The following MYO7B variants were observed in gnomAD, a reference collection of about 807,000 sequenced individuals.
MYO7B encodes myosin VIIB.
MYO7B carries 212 observed loss-of-function variants against 259.7 expected under a neutral mutation model. The ratio of observed to expected loss-of-function variants is 0.82; its 90% CI spans 0.73 to 0.91. MYO7B has a LOEUF of 0.91. Among genes scored for constraint, MYO7B ranks in the 40% least tolerant of loss-of-function variants. The pLI, the probability that MYO7B is intolerant of heterozygous loss-of-function variation, is 0.00. For missense variants in MYO7B, 2,732 were observed against 2,813.5 expected (o/e 0.97, Z 0.66); for synonymous variants, 1,197 against 1,166.4 (o/e 1.03, Z -0.54).
rs561780781 is a variant in MYO7B at position 127,596,541 on chromosome 2, G to C, written c.2324G>C (p.Arg775Pro). 3 of 1,612,344 alleles carry C rather than the reference G, an allele frequency of 1.9e-6. No homozygotes were observed. Among genetic ancestry groups the C allele is most frequent in the Non-Finnish European group, 1.7e-6 (2 of 1,179,266 alleles). ...GCGCTCAGCATCCAGAAAGTCCTTC[G>C]GGGCTACAGATACAGGTGCCGGCCC... ...RAALSIQKVLRGYRYRKEFLR... is the reference protein window; with the variant it reads ...RAALSIQKVLPGYRYRKEFLR... Residue 775 changes from arginine to proline, a missense_variant, in exon 19 of 48, where the codon CGG (arginine) becomes CCG (proline). Arg to Pro is a moderately radical substitution (Grantham distance 103, BLOSUM62 -2). Transcript: ENST00000409816.
intron 1 of MYO7B, among the ~76,000 whole-genome samples, chr2:127,555,017 C>T (rs1023701945): frequency 1.3e-5 from 2 of 150,642 alleles, no homozygotes; most frequent in Non-Finnish European, 2.9e-5. Context: ...GGCATGATCT[C>T]AGCTCACTGC....
chr2:127,547,299 C>T (rs913093462), intron 1 of MYO7B, among the ~76,000 whole-genome samples: 3 of 152,208 alleles, frequency 2.0e-5, no homozygotes, highest in African/African-American at 7.2e-5. Flanking sequence ...CACTGTAACA[C>T]ATAAAAACAG....
In MYO7B at chr2:127,628,106, C is replaced by A; in HGVS notation, c.4461-266C>A. On this transcript the variant is annotated intron_variant, in intron 33 of 47. Transcript: ENST00000409816. The surrounding 1 kb of genome is among the most constrained non-coding windows in gnomAD (Gnocchi z 4.8). ...GACCTTTGCAGTGTCCCTGCGGTGT[C>A]ACTGCACACCAGCCACCTCATTATC... 1 of 637,000 alleles carries A rather than the reference C, an allele frequency of 1.6e-6. No homozygotes were observed. The allele number at this position is 637,000 out of a possible 1,614,324, so 39.5% of individuals were successfully genotyped here.
intron 1 of MYO7B, among the ~76,000 whole-genome samples, chr2:127,556,817 A>T (rs1693655231): frequency 1.3e-5 from 2 of 152,186 alleles, no homozygotes; most frequent in South Asian, 4.1e-4. Flanking sequence ...CACAGCTCTT[A>T]AGATTCTTTC....
chr2:127,634,536 G>A (rs1209432166), intron 41 of MYO7B, 60 bp from the exon 42 acceptor site: 2 of 1,468,322 alleles, frequency 1.4e-6, no homozygotes, highest in Non-Finnish European at 1.9e-6. Context: ...AACCCAGCAG[G>A]TTCTCAGGAG....
intron 5 of MYO7B, among the ~76,000 whole-genome samples, chr2:127,568,407 C>T (rs1412515947): frequency 6.6e-6 from 1 of 152,186 alleles, no homozygotes; most frequent in African/African-American, 2.4e-5. Flanking sequence ...GCCCTTTCCT[C>T]CCCCAGGGCT....
intron 1 of MYO7B, among the ~76,000 whole-genome samples, chr2:127,543,613 A>C (rs1203098017): frequency 1.3e-5 from 2 of 150,974 alleles, no homozygotes; most frequent in African/African-American, 4.9e-5. Flanking sequence ...CCCTCCTTCC[A>C]CTCTCCACCC....
At chr2:127,602,109 A>T (rs986476465) in intron 19 of MYO7B, among the ~76,000 whole-genome samples, 10 of 151,950 alleles carry the variant, frequency 6.6e-5, no homozygotes, top group Non-Finnish European at 1.3e-4. Context: ...TTATTTAAAA[A>T]TTTTTAAGTA....
intron 1 of MYO7B, among the ~76,000 whole-genome samples, chr2:127,552,584 G>T (rs1377347923): frequency 6.6e-6 from 1 of 152,224 alleles, no homozygotes; most frequent in East Asian, 1.9e-4. Context: ...GGCCATGTGG[G>T]GAATGGCAGG....
chr2:127,592,795 T>C lies in MYO7B; in HGVS notation c.1994T>C (p.Leu665Pro). The C allele has an allele frequency of 6.2e-7, 1 of 1,609,328 alleles. No homozygotes were observed. Among genetic ancestry groups the C allele is most frequent in the Non-Finnish European group, 8.5e-7 (1 of 1,178,470 alleles). ...IKPNEYKKPL[L>P]FDRELCLRQL... ...TCAGCGCCCGGTGTCCGCCCACAGC[T>C]GTTCGACCGGGAGCTGTGCCTGCGG... The change falls in exon 17 of 48, where the codon CTG becomes CCG. Residue 665 changes from leucine (L) to proline (P), a missense_variant and splice_region_variant. Coordinates refer to ENST00000409816, the MANE Select transcript of MYO7B (RefSeq NM_001393586.1).
rs768303938 is a variant in MYO7B, at chr2:127,632,271, C to T, written c.5275C>T (p.Leu1759=). Residue 1759 remains leucine (L), a synonymous_variant, in exon 39 of 48, where the codon CTG becomes TTG. Transcript: ENST00000409816. ...NRHSEERGWQ[L]LWLCTGLFPP... is the part of the protein sequence containing the mutation. ...GCACAGCGAAGAGCGGGGCTGGCAG[C>T]TGCTGTGGCTGTGCACGGGCCTCTT... is the stretch of plus-strand genomic sequence containing the variant. 6 of 1,611,502 alleles carry T rather than the reference C, an allele frequency of 3.7e-6. No homozygotes were observed. In the Admixed American group the frequency reaches 5.0e-5, roughly 13 times the overall value.
rs767532246 is a variant in MYO7B, at chr2:127,609,546, T to C, written c.2855T>C (p.Leu952Pro). 6.2e-7 allele frequency: 1 copy of C among 1,613,894 alleles called. No homozygotes were observed. The highest frequency in any genetic ancestry group is 1.1e-5 in the South Asian group (1 of 91,062). ...ACCCAGAAGCTGCTTGAGGTTGACC[T>C]GGACACAGTCCCCATGGCGGAGGAG... ...SKTQKLLEVD[L>P]DTVPMAEEPE... Residue 952 changes from leucine to proline, a missense_variant, in exon 23 of 48, where the codon CTG becomes CCG. Transcript: ENST00000409816. This position sits in a 1 kb window ranked among gnomAD's most constrained non-coding sequence, Gnocchi z 6.9.
At chr2:127,596,815 C>T (rs1031461913) in intron 19 of MYO7B, among the ~76,000 whole-genome samples, 3 of 152,264 alleles carry the variant, frequency 2.0e-5, no homozygotes, top group Non-Finnish European at 4.4e-5. Context: ...CAGCCCCGCT[C>T]TCAACCAGGG....
intron 31 of MYO7B, chr2:127,626,772 C>G: frequency 7.4e-6 from 4 of 539,156 alleles, no homozygotes; most frequent in East Asian, 6.4e-5. Flanking sequence ...GAGCGAGACT[C>G]TGTCTCAAAA....
intron 28 of MYO7B, among the ~76,000 whole-genome samples, chr2:127,622,691 C>A (rs910968598): frequency 2.6e-5 from 4 of 152,262 alleles, no homozygotes; most frequent in African/African-American, 4.8e-5. Context: ...GCTGCACCTT[C>A]TTTCTGTTCT....
chr2:127,609,663 G>A lies in MYO7B; in HGVS notation c.2972G>A (p.Arg991Gln), dbSNP rs973653290. ...FQKSASHTHI[R>Q]RPLRYPLLYH... ...AAATCAGCCAGCCACACACACATCC[G>A]GCGGCCCCTCCGATACCCGTTGCTT... is the stretch of plus-strand genomic sequence containing the variant. The change falls in exon 23 of 48, where the codon CGG (arginine) becomes CAG (glutamine). Residue 991 changes from arginine (R) to glutamine (Q), a missense_variant. By Grantham distance (43) the Arg-to-Gln change is conservative. This residue lies in a region of MYO7B where 1,906 missense variants were observed against 2,026.4 expected (regional missense o/e 0.94). Transcript: ENST00000409816. The surrounding 1 kb of genome is among the most constrained non-coding windows in gnomAD (Gnocchi z 6.9). The A allele has an allele frequency of 1.7e-5, 27 of 1,613,808 alleles. No individual in the cohort carries two copies. The highest frequency in any genetic ancestry group is 1.5e-4 in the African/African-American group (11 of 74,904).
chr2:127,633,444 T>G, intron 40 of MYO7B, 81 bp downstream of exon 40: 1 of 1,401,570 alleles, frequency 7.1e-7, no homozygotes. Flanking sequence ...CCCAGCCTGC[T>G]CCTTGGTAAC....
At chr2:127,561,135 C>T (rs922004201) in intron 2 of MYO7B, among the ~76,000 whole-genome samples, 5 of 152,132 alleles carry the variant, frequency 3.3e-5, no homozygotes, top group African/African-American at 4.8e-5. Context: ...GATGCATCAA[C>T]GCCAAATGTC....
chr2:127,562,961 TCCTA>T (rs759191071), intron 2 of MYO7B, among the ~76,000 whole-genome samples: 48 of 152,354 alleles, frequency 3.2e-4, no homozygotes, highest in Admixed American at 7.2e-4. Flanking sequence ...CTTTTCTCCT[TCCTA>T]CCTTTTATGA....
Sources: allele counts gnomAD v4.1 joint callset (sites outside exome capture counted in the v4.1 genomes callset), GRCh38; gene constraint gnomAD v4.1.1; regional missense constraint gnomAD v4.1.1; non-coding constraint Gnocchi (gnomAD v3.1); transcripts MANE v1.5; gene names NCBI Gene and HGNC (gene_info 2026-07-23, HGNC 2026-07-21).